The following ATP8A2 variants were observed in gnomAD, a reference collection of about 807,000 sequenced individuals.
The protein encoded by ATP8A2 is ATPase phospholipid transporting 8A2, also known as phospholipid-transporting ATPase IB.
A neutral mutation model predicts 165.6 loss-of-function variants in ATP8A2; 100 were observed. That is an observed-to-expected ratio of 0.60 (90% CI 0.51 to 0.71). ATP8A2 has a LOEUF of 0.71. Ranked by LOEUF, ATP8A2 falls within the 30% of genes least tolerant of loss-of-function variation. ATP8A2 has a pLI of 0.00. For synonymous variants in ATP8A2, 543 were observed against 548.8 expected, an observed-to-expected ratio of 0.99 and a Z score of 0.15; for missense variants, 1,227 against 1,479.5, an observed-to-expected ratio of 0.83 and a Z score of 2.80.
At chr13:25,647,773 C>T (rs1045831669) in intron 24 of ATP8A2, among the ~76,000 whole-genome samples, 4 of 151,816 alleles carry the variant, frequency 2.6e-5, no homozygotes, top group African/African-American at 9.7e-5. Flanking sequence ...GCAACCTCTG[C>T]CTTCTGGGTT....
intron 1 of ATP8A2, among the ~76,000 whole-genome samples, chr13:25,426,671 G>T (rs1044278480): frequency 6.6e-6 from 1 of 152,014 alleles, no homozygotes; most frequent in Non-Finnish European, 1.5e-5. Context: ...GGCCGGGCAC[G>T]GTGGCTCATG....
chr13:25,713,721 A>G (rs2043199030), intron 25 of ATP8A2, among the ~76,000 whole-genome samples: 1 of 152,174 alleles, frequency 6.6e-6, no homozygotes, highest in African/African-American at 2.4e-5. Flanking sequence ...GTGTGTGCTG[A>G]ATGAATATTG....
chr13:25,478,389 T>G (rs1334536097), intron 2 of ATP8A2, among the ~76,000 whole-genome samples: 2 of 152,108 alleles, frequency 1.3e-5, no homozygotes, highest in East Asian at 3.8e-4. Context: ...CAGCAAAAGC[T>G]TACTCAGAAA....
At chr13:25,808,782 T>C (rs1566159889) in intron 27 of ATP8A2, among the ~76,000 whole-genome samples, 1 of 152,116 alleles carries the variant, frequency 6.6e-6, no homozygotes. Context: ...AGTATATTTC[T>C]ACTTAAAATT....
chr13:25,745,618 T>C (rs2138170381), intron 25 of ATP8A2, among the ~76,000 whole-genome samples: 1 of 152,242 alleles, frequency 6.6e-6, no homozygotes, highest in Middle Eastern at 3.4e-3. Context: ...TCCTGATGCC[T>C]GGGGATGGGC....
chr13:26,006,176 T>G (rs1956731699), intron 35 of ATP8A2, among the ~76,000 whole-genome samples: 1 of 152,068 alleles, frequency 6.6e-6, no homozygotes, highest in Non-Finnish European at 1.5e-5. Context: ...TTATTTGGGA[T>G]GTCTTTAATG....
chr13:25,490,001 T>C (rs138247745), intron 2 of ATP8A2, among the ~76,000 whole-genome samples: 9 of 152,328 alleles, frequency 5.9e-5, no homozygotes, highest in African/African-American at 2.2e-4. Context: ...ACAAATTTTT[T>C]TATGGTAGTC....
chr13:25,544,123 G>T (rs2038568633), intron 10 of ATP8A2, among the ~76,000 whole-genome samples: 1 of 152,182 alleles, frequency 6.6e-6, no homozygotes, highest in South Asian at 2.1e-4. Flanking sequence ...AATATTTAGT[G>T]ACCACGTACC....
Position 25,579,963 on chromosome 13 carries a change from A to G in ATP8A2, c.2007+16A>G. ...CATTGAGAAGGTAACCGCACACAATACAGTCTTTTCAGCTCCATGAAGGAC... is the reference window on the plus strand; with the variant it reads ...CATTGAGAAGGTAACCGCACACAATGCAGTCTTTTCAGCTCCATGAAGGAC... On this transcript the variant is annotated intron_variant, in intron 22 of 36. Coordinates refer to ENST00000381655, the MANE Select transcript of ATP8A2 (RefSeq NM_016529.6). 1 of 1,613,310 alleles carries G rather than the reference A, an allele frequency of 6.2e-7. No homozygotes were observed. Among genetic ancestry groups the G allele is most frequent in the South Asian group, 1.1e-5 (1 of 91,060 alleles).
intron 27 of ATP8A2, among the ~76,000 whole-genome samples, chr13:25,824,836 G>T (rs1290835037): frequency 6.6e-6 from 1 of 152,052 alleles, no homozygotes; most frequent in Non-Finnish European, 1.5e-5. Flanking sequence ...GAGGGAAAAA[G>T]CATATTGCCC....
intron 34 of ATP8A2, among the ~76,000 whole-genome samples, chr13:25,963,912 A>G (rs1955718224): frequency 6.6e-6 from 1 of 152,230 alleles, no homozygotes; most frequent in Admixed American, 6.5e-5. Flanking sequence ...ACAAGGATAA[A>G]TCAAATGACA....
intron 1 of ATP8A2, among the ~76,000 whole-genome samples, chr13:25,383,046 C>T (rs529732050): frequency 6.7e-6 from 1 of 148,700 alleles, no homozygotes; most frequent in East Asian, 2.0e-4. Context: ...TGAGCCACCA[C>T]ACCCAGCCTT....
chr13:26,010,353 T>A (rs906339188), intron 35 of ATP8A2, among the ~76,000 whole-genome samples: 2 of 152,208 alleles, frequency 1.3e-5, no homozygotes, highest in African/African-American at 2.4e-5. Context: ...TCAGGAGGCA[T>A]GTCCCTGTGG....
At chr13:25,870,820 G>A (rs756391217) in intron 33 of ATP8A2, among the ~76,000 whole-genome samples, 2 of 152,122 alleles carry the variant, frequency 1.3e-5, no homozygotes, top group Non-Finnish European at 2.9e-5. Context: ...GACTTACCCC[G>A]CAATGCAATA....
At chr13:25,487,105 C>G (rs1055912364) in intron 2 of ATP8A2, among the ~76,000 whole-genome samples, 1 of 152,026 alleles carries the variant, frequency 6.6e-6, no homozygotes, top group African/African-American at 2.4e-5. Flanking sequence ...TTTGTAAAAC[C>G]TTTTTGCCAA....
chr13:25,716,831 A>G (rs1005690196), intron 25 of ATP8A2, among the ~76,000 whole-genome samples: 2 of 152,210 alleles, frequency 1.3e-5, no homozygotes, highest in Non-Finnish European at 2.9e-5. Context: ...ACCTAACAGG[A>G]AAGAGGAAAA....
chr13:25,409,021 T>C (rs1041755340), intron 1 of ATP8A2, among the ~76,000 whole-genome samples: 1 of 152,252 alleles, frequency 6.6e-6, no homozygotes. Context: ...TTCATGGAAT[T>C]GTTATTTGAA....
chr13:25,524,890 C>A (rs543273958), intron 2 of ATP8A2, among the ~76,000 whole-genome samples: 78 of 8,920 alleles, frequency 8.7e-3, no homozygotes, highest in East Asian at 0.081. Context: ...TTGATAACTT[C>A]CTTCCTTCCT....
rs185046249 is a variant in ATP8A2 at position 25,823,585 on chromosome 13, G to C, written c.2680-4533G>C. Among the ~76,000 whole-genome samples the C allele has an allele frequency of 2.2e-3, 327 of 151,996 alleles. 1 individual carries two copies. Among genetic ancestry groups the C allele is most frequent in the African/African-American group, 7.7e-3 (318 of 41,440 alleles). On this transcript the variant is annotated intron_variant, in intron 27 of 36. Coordinates refer to ENST00000381655, the MANE Select transcript of ATP8A2 (RefSeq NM_016529.6). The stretch of plus-strand genomic sequence containing the variant: ...TGTAAACATCTTTTACTCTCTTTTG[G>C]TATTGTGTACTGCTAGAGAGAAGTA...
Sources: allele counts gnomAD v4.1 joint callset (sites outside exome capture counted in the v4.1 genomes callset), GRCh38; gene constraint gnomAD v4.1.1; transcripts MANE v1.5; gene names NCBI Gene and HGNC (gene_info 2026-07-23, HGNC 2026-07-21).